Variants in MIPEP observed in about 807,000 individuals in gnomAD.
MIPEP encodes the protein mitochondrial intermediate peptidase.
In MIPEP, 79 loss-of-function variants were observed where a neutral mutation model predicts 90.3. That is an observed-to-expected ratio of 0.87 (90% confidence interval 0.73 to 1.05). The LOEUF is 1.05. Ranked by LOEUF, MIPEP falls within the 50% of genes least tolerant of loss-of-function variation. The probability of loss-of-function intolerance (pLI) is 0.00; values close to 1 mark genes in which losing one functional copy is unlikely to be tolerated. For missense variants in MIPEP, 940 were observed against 905.6 expected, an observed-to-expected ratio of 1.04 and a Z score of -0.49; for synonymous variants, 334 against 315.8, an observed-to-expected ratio of 1.06 and a Z score of -0.61.
chr13:23,756,483 A>G (rs772832465), intron 18 of MIPEP, 62 bp downstream of exon 18: 11 of 1,523,602 alleles, frequency 7.2e-6, no homozygotes, highest in Non-Finnish European at 1.0e-5. Flanking sequence ...AATGAAAAAA[A>G]CATATGGAGA....
intron 1 of MIPEP, among the ~76,000 whole-genome samples, chr13:23,887,157 T>A (rs1817051127): frequency 6.6e-6 from 1 of 152,208 alleles, no homozygotes; most frequent in Non-Finnish European, 1.5e-5. Context: ...ATTAAAATCA[T>A]AGGCTGAAAC....
chr13:23,889,108 G>A, intron 1 of MIPEP, 24 bp downstream of exon 1: 3 of 1,392,576 alleles, frequency 2.2e-6, no homozygotes, highest in East Asian at 3.1e-5. Context: ...GGGGACTGAG[G>A]GGAGCTCCTC....
chr13:23,812,457 C>T (rs1953185014), intron 14 of MIPEP, among the ~76,000 whole-genome samples: 1 of 143,512 alleles, frequency 7.0e-6, no homozygotes, highest in South Asian at 2.4e-4. Context: ...CTGAGCCACG[C>T]TGGGTCCCAT....
chr13:23,833,438 T>G (rs1868865349), intron 14 of MIPEP, among the ~76,000 whole-genome samples: 1 of 152,238 alleles, frequency 6.6e-6, no homozygotes. Context: ...CCATCTTCTG[T>G]GTCTGAAACT....
At chr13:23,799,169 G>C (rs148138007) in intron 16 of MIPEP, among the ~76,000 whole-genome samples, 1 of 143,590 alleles carries the variant, frequency 7.0e-6, no homozygotes, top group East Asian at 2.0e-4. Flanking sequence ...ACGCGCAGCT[G>C]ATTTTTTTTT....
At position 23,885,593 on chromosome 13, in the gene MIPEP, T is replaced by TA. The variant is rs774253826; in HGVS notation, c.363+739dup. On this transcript the variant is annotated intron_variant, in intron 2 of 18. Coordinates refer to ENST00000382172, the MANE Select transcript of MIPEP (RefSeq NM_005932.4). The stretch of plus-strand genomic sequence containing the variant: ...TACATGTACCCACAAAAATTAAAAA[T>TA]AAAAAAAAAAGAAAATTTTGCTATC... 6.8e-3 allele frequency among the ~76,000 whole-genome samples: 974 copies of TA among 143,242 alleles called. 8 individuals carry two copies. The highest frequency in any genetic ancestry group is 0.023 in the African/African-American group (901 of 38,892). 94.0% of individuals were successfully genotyped at this position (143,242 alleles called of 152,430 possible). A position where few individuals can be genotyped will look rare whatever the true frequency, so the allele number is the denominator to read the frequency against.
intron 4 of MIPEP, among the ~76,000 whole-genome samples, chr13:23,878,845 A>T (rs1480923821): frequency 6.6e-6 from 1 of 152,190 alleles, no homozygotes; most frequent in Non-Finnish European, 1.5e-5. Flanking sequence ...TTGAGCATAA[A>T]GCTAAGTGTA....
At chr13:23,778,599 G>A (rs545672182) in intron 16 of MIPEP, among the ~76,000 whole-genome samples, 1 of 152,054 alleles carries the variant, frequency 6.6e-6, no homozygotes, top group African/African-American at 2.4e-5. Flanking sequence ...TGTTTTTCTT[G>A]CTTTGACACA....
intron 18 of MIPEP, among the ~76,000 whole-genome samples, chr13:23,749,245 TGACA>T (rs1180121899): frequency 7.2e-5 from 11 of 152,244 alleles, no homozygotes; most frequent in South Asian, 2.1e-4. Context: ...GTACTCCTGC[TGACA>T]GACAGGACTT....
At chr13:23,869,524 C>T in intron 6 of MIPEP, 76 bp from the exon 7 acceptor site, 1 of 1,303,904 alleles carries the variant, frequency 7.7e-7, no homozygotes. Context: ...CAGGCTCATG[C>T]TCACCACTTG....
At chr13:23,761,412 T>C (rs1309683856) in intron 16 of MIPEP, among the ~76,000 whole-genome samples, 1 of 152,122 alleles carries the variant, frequency 6.6e-6, no homozygotes, top group Non-Finnish European at 1.5e-5. Context: ...TCTGACCCAC[T>C]TGGAACGCCT....
chr13:23,842,392 T>C (rs951484759), intron 10 of MIPEP: 2 of 152,162 alleles, frequency 1.3e-5, no homozygotes, highest in Non-Finnish European at 2.9e-5. Flanking sequence ...GTTTAGTAAG[T>C]GAACATAAAT....
At chr13:23,875,714 C>T (rs1290794962) in intron 4 of MIPEP, among the ~76,000 whole-genome samples, 4 of 152,040 alleles carry the variant, frequency 2.6e-5, no homozygotes, top group Non-Finnish European at 2.9e-5. Flanking sequence ...TCGTATTACA[C>T]AATATAGGTC....
At chr13:23,814,451 C>T (rs141389489) in intron 14 of MIPEP, among the ~76,000 whole-genome samples, 2,461 of 151,922 alleles carry the variant, frequency 0.016, 38 homozygotes, top group Non-Finnish European at 0.026. Flanking sequence ...TTAGTAGAGA[C>T]GGGGTTTCAC....
At chr13:23,805,406 T>G (rs905707557) in intron 16 of MIPEP, among the ~76,000 whole-genome samples, 1 of 152,206 alleles carries the variant, frequency 6.6e-6, no homozygotes, top group Non-Finnish European at 1.5e-5. Context: ...TAATTTAATT[T>G]ATAAGGTTAT....
At chr13:23,837,795 T>C (rs754545772) in intron 12 of MIPEP, 39 bp from the exon 13 acceptor site, 7 of 1,524,760 alleles carry the variant, frequency 4.6e-6, no homozygotes, top group East Asian at 2.3e-5. Context: ...AAGAAAGTAT[T>C]TGGTAATGTG....
intron 2 of MIPEP, among the ~76,000 whole-genome samples, chr13:23,885,339 C>A (rs1871429740): frequency 6.6e-6 from 1 of 151,848 alleles, no homozygotes; most frequent in Admixed American, 6.6e-5. Context: ...TGGTTAATGG[C>A]TACAAAAAAA....
chr13:23,856,736 G>A (rs7325694), intron 10 of MIPEP, among the ~76,000 whole-genome samples: 70,635 of 151,758 alleles, frequency 0.47, 16,911 homozygotes, highest in South Asian at 0.55. Context: ...CTGGTCAGGA[G>A]GTTGTGACCA....
Position 23,889,250 on chromosome 13 carries a change from C to G in MIPEP, c.71G>C (p.Arg24Pro), listed in dbSNP as rs1871688224. Residue 24 changes from arginine (R) to proline (P), a missense_variant, in exon 1 of 19, where the codon CGG (arginine) becomes CCG (proline). Transcript: ENST00000382172. ...AAALPPRRAG[R>P]GSLEAGIRAR... ...CCGGATCCCGGCTTCGAGGCTTCCC[C>G]GGCCCGCCCGGCGGGGCGGCAGAGC... 14 of 1,392,628 alleles carry G rather than the reference C, an allele frequency of 1.0e-5. No homozygotes were observed. The highest frequency in any genetic ancestry group is 1.2e-5 in the Non-Finnish European group (13 of 1,073,418). The allele number at this position is 1,392,628 out of a possible 1,614,324, so 86.3% of individuals were successfully genotyped here. A position where few individuals can be genotyped will look rare whatever the true frequency, so the allele number is the denominator to read the frequency against.
Sources: allele counts gnomAD v4.1 joint callset (sites outside exome capture counted in the v4.1 genomes callset), GRCh38; gene constraint gnomAD v4.1.1; transcripts MANE v1.5; gene names NCBI Gene and HGNC (gene_info 2026-07-23, HGNC 2026-07-21).